Variants in TSR1 observed in about 807,000 individuals in gnomAD.
The protein encoded by TSR1 is TSR1 ribosome maturation factor.
A neutral mutation model predicts 90.9 loss-of-function variants in TSR1; 81 were observed. The ratio of observed to expected loss-of-function variants is 0.89; its 90% CI spans 0.74 to 1.07. TSR1 has a LOEUF of 1.07. TSR1 is among the 50% of genes least tolerant of loss of function. The probability of loss-of-function intolerance (pLI) is 0.00; values close to 1 mark genes in which losing one functional copy is unlikely to be tolerated. For missense variants in TSR1, 989 were observed against 987.3 expected, an observed-to-expected ratio of 1.00 and a Z score of -0.02; for synonymous variants, 362 against 348.8, an observed-to-expected ratio of 1.04 and a Z score of -0.42.
intron 11 of TSR1, 36 bp downstream of exon 11, chr17:2,329,307 C>T: frequency 1.9e-6 from 3 of 1,612,378 alleles, no homozygotes; most frequent in Non-Finnish European, 2.5e-6. Flanking sequence ...TCCCAAAAGA[C>T]AAGATGGACA....
At position 2,335,274 on chromosome 17, in the gene TSR1, C is replaced by T; in HGVS notation, c.542G>A (p.Gly181Asp). ...AACTCACTTACTATAGGTCGGAAGG[C>T]CCTGAGCAAAGAGGCAGGAAAGACA... ...DYCLSCLFAQ[G>D]LPTYTLAVQG... The change falls in exon 4 of 15, where the codon GGC becomes GAC. Residue 181 changes from glycine to aspartate, a missense_variant. Coordinates refer to ENST00000301364, the MANE Select transcript of TSR1 (RefSeq NM_018128.5). The T allele has an allele frequency of 1.9e-6, 3 of 1,613,824 alleles. No individual in the cohort carries two copies. In the South Asian group the frequency reaches 3.3e-5, roughly 18 times the overall value.
At chr17:2,333,764 T>G in intron 5 of TSR1, 48 bp from the exon 6 acceptor site, 1 of 1,609,634 alleles carries the variant, frequency 6.2e-7, no homozygotes, top group Non-Finnish European at 8.5e-7. Context: ...AAAAATCTCC[T>G]AAATCTAACA....
At chr17:2,326,996 T>C (rs2075579638) in intron 11 of TSR1, among the ~76,000 whole-genome samples, 2 of 151,978 alleles carry the variant, frequency 1.3e-5, no homozygotes, top group Non-Finnish European at 2.9e-5. Flanking sequence ...TCCCAGCTGC[T>C]TGGGAGGCTG....
chr17:2,330,051 C>T (rs1567783353), intron 10 of TSR1: 2 of 273,336 alleles, frequency 7.3e-6, no homozygotes, highest in Non-Finnish European at 1.5e-5. Flanking sequence ...TCCCAAGTAG[C>T]TGGGATTACA....
intron 4 of TSR1, 118 bp downstream of exon 4, chr17:2,335,142 T>C (rs2064043478): frequency 1.7e-6 from 2 of 1,202,692 alleles, no homozygotes; most frequent in South Asian, 3.1e-5. Flanking sequence ...TCAAGTTTAA[T>C]CCATATGTGT....
chr17:2,322,556 A>G lies in TSR1; in HGVS notation c.*1640T>C, dbSNP rs1031708179. On this transcript the variant is annotated 3_prime_UTR_variant, in exon 15 of 15. Coordinates refer to ENST00000301364, the MANE Select transcript of TSR1 (RefSeq NM_018128.5). ...CACTCTGTCACCCAGGCTGGAGTGC[A>G]GTGGCACGATCTTGGCTCACTGCAA... 6.6e-6 allele frequency: 1 copy of G among 152,310 alleles called. No individual in the cohort carries two copies. The highest frequency in any genetic ancestry group is 1.5e-5 in the Non-Finnish European group (1 of 68,346). The allele number at this position is 152,310 out of a possible 1,614,324, so 9.4% of individuals were successfully genotyped here.
chr17:2,324,127 A>G lies in TSR1; in HGVS notation c.*69T>C, dbSNP rs111963625. 4.1e-5 allele frequency: 62 copies of G among 1,503,338 alleles called. No individual in the cohort carries two copies. Among genetic ancestry groups the G allele is most frequent in the South Asian group, 2.5e-4 (18 of 71,046 alleles). 93.1% of individuals were successfully genotyped at this position (1,503,338 alleles called of 1,614,324 possible). On this transcript the variant is annotated 3_prime_UTR_variant, in exon 15 of 15. Coordinates refer to ENST00000301364, the MANE Select transcript of TSR1 (RefSeq NM_018128.5). ...TGACATAGAAAATAAACTTTGCCCA[A>G]TCACAACTTGTGCCTCCCATCCCTG...
chr17:2,335,873 G>A (rs777714016), intron 2 of TSR1, 143 bp from the exon 3 acceptor site: 20 of 1,262,270 alleles, frequency 1.6e-5, no homozygotes, highest in Non-Finnish European at 1.8e-5. Flanking sequence ...CGGGGTGGCA[G>A]GAATTCTGAC....
chr17:2,329,247 GTAAGA>G (rs1447216925), intron 11 of TSR1, 91 bp downstream of exon 11: 1 of 1,561,298 alleles, frequency 6.4e-7, no homozygotes, highest in East Asian at 2.2e-5. Context: ...ACCCAGAGAT[GTAAGA>G]TTTTGAAACC....
chr17:2,336,177 C>A, intron 1 of TSR1, 37 bp from the exon 2 acceptor site: 1 of 1,609,660 alleles, frequency 6.2e-7, no homozygotes, highest in African/African-American at 1.3e-5. Flanking sequence ...TGTGATCGGC[C>A]CCACAAGGTC....
In TSR1 at chr17:2,331,051, T is replaced by G; in HGVS notation, c.1555A>C (p.Asn519His). The part of the protein sequence containing the change: ...FRTSPWDPKE[N>H]LPQDYARIFQ... ...ATTCGAGCATAATCTTGAGGAAGGT[T>G]TTCCTTAGGATCCCATGGAGATGTC... Residue 519 changes from asparagine to histidine, a missense_variant, in exon 9 of 15, where the codon AAC (asparagine) becomes CAC (histidine). Coordinates refer to ENST00000301364, the MANE Select transcript of TSR1 (RefSeq NM_018128.5). 3 of 1,611,672 alleles carry G rather than the reference T, an allele frequency of 1.9e-6. No individual in the cohort carries two copies. Among genetic ancestry groups the G allele is most frequent in the Non-Finnish European group, 2.5e-6 (3 of 1,179,390 alleles).
chr17:2,328,943 AAAAAC>A, intron 11 of TSR1: 4 of 238,760 alleles, frequency 1.7e-5, no homozygotes, highest in East Asian at 1.1e-4. Context: ...AAAAAAAAAA[AAAAAC>A]AGAAACAAAA....
intron 8 of TSR1, among the ~76,000 whole-genome samples, chr17:2,331,810 T>C (rs751732921): frequency 1.3e-5 from 2 of 152,210 alleles, no homozygotes; most frequent in Non-Finnish European, 2.9e-5. Context: ...CCAGAACAGA[T>C]ATAATCATCT....
chr17:2,334,537 CG>C lies in TSR1; in HGVS notation c.915del (p.Gly306GlufsTer6). The C allele has an allele frequency of 6.2e-7, 1 of 1,614,064 alleles. No individual in the cohort carries two copies. Among genetic ancestry groups the C allele is most frequent in the Non-Finnish European group, 8.5e-7 (1 of 1,180,014 alleles). ...GDFQMKQIDA[P>X]GDPFPLNPRG... Reference sequence around the variant, plus strand: ...CTAGGATTTAAAGGGAAAGGGTCTCCGGGGGCATCTATCTGTTTCATCTGGA... The same window carrying C: ...CTAGGATTTAAAGGGAAAGGGTCTCCGGGGCATCTATCTGTTTCATCTGGA... On this transcript the variant is annotated frameshift_variant, in exon 5 of 15. Coordinates refer to ENST00000301364, the MANE Select transcript of TSR1 (RefSeq NM_018128.5). LOFTEE classifies it high-confidence loss of function.
In TSR1 at chr17:2,336,405, G is replaced by T. The variant is rs766767370; in HGVS notation, c.23C>A (p.Pro8Gln). ...ATGAGCTTTATTCTGCTGCTTGAGC[G>T]GGCCGGGGCGGTGGGCCGCCATGCC... MAAHRPG[P>Q]LKQQNKAHKG... Residue 8 changes from proline (P) to glutamine (Q), a missense_variant, in exon 1 of 15, where the codon CCG (proline) becomes CAG (glutamine). Pro to Gln is a moderately conservative substitution (Grantham distance 76). Coordinates refer to ENST00000301364, the MANE Select transcript of TSR1 (RefSeq NM_018128.5). 5.6e-6 allele frequency: 9 copies of T among 1,611,894 alleles called. 1 individual carries two copies. In the South Asian group the frequency reaches 7.7e-5, roughly 14 times the overall value.
rs1037295256 is a variant in TSR1 at position 2,336,154 on chromosome 17, T to C, written c.98-14A>G. ...GTGCCAGACGGCCTGAATGGCAGAT[T>C]AGAAGGGGCTGGTGTGATCGGCCCC... On this transcript the variant is annotated splice_polypyrimidine_tract_variant and intron_variant, in intron 1 of 14. Transcript: ENST00000301364. 1.9e-6 allele frequency: 3 copies of C among 1,613,422 alleles called. No individual in the cohort carries two copies. In the South Asian group the frequency reaches 3.3e-5, roughly 18 times the overall value.
intron 11 of TSR1, among the ~76,000 whole-genome samples, chr17:2,325,678 T>C (rs748501352): frequency 6.6e-5 from 10 of 152,074 alleles, no homozygotes; most frequent in Non-Finnish European, 8.8e-5. Context: ...AATGGTGTGA[T>C]CTCAGCTGAC....
intron 6 of TSR1, 156 bp downstream of exon 6, chr17:2,333,401 G>A: frequency 1.0e-6 from 1 of 968,746 alleles, no homozygotes; most frequent in Non-Finnish European, 1.6e-6. Flanking sequence ...TGTGTATAAT[G>A]TTTGTTTATT....
At chr17:2,335,953 C>T in intron 2 of TSR1, 84 bp downstream of exon 2, 1 of 1,442,020 alleles carries the variant, frequency 6.9e-7, no homozygotes, top group Non-Finnish European at 9.7e-7. Context: ...CTGGACCCTC[C>T]TCCCGGTCTC....
Sources: allele counts gnomAD v4.1 joint callset (sites outside exome capture counted in the v4.1 genomes callset), GRCh38; gene constraint gnomAD v4.1.1; transcripts MANE v1.5; gene names NCBI Gene and HGNC (gene_info 2026-07-23, HGNC 2026-07-21).